Variants in ISOC1 observed in about 807,000 individuals in gnomAD.
The protein encoded by ISOC1 is isochorismatase domain containing 1.
Under a neutral mutation model 30.0 loss-of-function variants are expected in ISOC1, and 33 were observed. The observed-to-expected ratio is 1.10, with a 90% CI of 0.83 to 1.47. The LOEUF is 1.47. Among genes scored for constraint, ISOC1 ranks in the 40% most tolerant of loss-of-function variants. The pLI, the probability that ISOC1 is intolerant of heterozygous loss-of-function variation, is 0.00. For synonymous variants in ISOC1, 178 were observed against 159.8 expected (o/e 1.11, Z -0.86); for missense variants, 372 against 388.0 (o/e 0.96, Z 0.35).
chr5:129,098,858 A>G (rs1753538938), intron 1 of ISOC1, among the ~76,000 whole-genome samples: 1 of 152,282 alleles, frequency 6.6e-6, no homozygotes, highest in Non-Finnish European at 1.5e-5. Context: ...TTATAGCTAG[A>G]AGAGACTGAC....
chr5:129,101,574 C>T lies in ISOC1; in HGVS notation c.310-3382C>T, dbSNP rs1022086221. 8.5e-5 allele frequency among the ~76,000 whole-genome samples: 13 copies of T among 152,224 alleles called. 1 individual carries two copies. Among genetic ancestry groups the T allele is most frequent in the Admixed American group, 8.5e-4 (13 of 15,288 alleles). On this transcript the variant is annotated intron_variant, in intron 1 of 4. Transcript: ENST00000173527. The stretch of plus-strand genomic sequence containing the variant: ...GCAATCCTGGGCTTAAGTGATCCTC[C>T]CACCTTGGCCTCCGAAGTGCTGGGA...
At position 129,114,000 on chromosome 5, in the gene ISOC1, G is replaced by C. The variant is rs763116904; in HGVS notation, c.*999G>C. 3.3e-5 allele frequency: 5 copies of C among 152,096 alleles called. No individual in the cohort carries two copies. The highest frequency in any genetic ancestry group is 2.1e-4 in the South Asian group (1 of 4,830). 9.4% of individuals were successfully genotyped at this position (152,096 alleles called of 1,614,324 possible). A position where few individuals can be genotyped will look rare whatever the true frequency, so the allele number is the denominator to read the frequency against. On this transcript the variant is annotated 3_prime_UTR_variant, in exon 5 of 5. Coordinates refer to ENST00000173527, the MANE Select transcript of ISOC1 (RefSeq NM_016048.2). ...CAAATATGTGAAATGTGAAACTGCT[G>C]TCTTTTATATTAAAGTAATTAAAGA...
Position 129,104,444 on chromosome 5 carries a change from G to A in ISOC1, c.310-512G>A, listed in dbSNP as rs184384290. 5.9e-4 allele frequency among the ~76,000 whole-genome samples: 89 copies of A among 151,800 alleles called. 1 individual carries two copies. The highest frequency in any genetic ancestry group is 5.7e-3 in the Admixed American group (87 of 15,250). On this transcript the variant is annotated intron_variant, in intron 1 of 4. Coordinates refer to ENST00000173527, the MANE Select transcript of ISOC1 (RefSeq NM_016048.2). ...AAGAAATTTCTTTAAATAACATTCA[G>A]GAAATGTGTTTAAATAACACTTGGA...
At chr5:129,103,243 C>A (rs1329609329) in intron 1 of ISOC1, among the ~76,000 whole-genome samples, 5 of 152,068 alleles carry the variant, frequency 3.3e-5, no homozygotes, top group African/African-American at 4.8e-5. Context: ...AAAATAGTAT[C>A]CTAAATGCAC....
chr5:129,109,670 G>A (rs189770189), intron 4 of ISOC1, among the ~76,000 whole-genome samples: 52 of 152,286 alleles, frequency 3.4e-4, no homozygotes, highest in African/African-American at 1.2e-3. Context: ...GATTGATAGG[G>A]AACACCTGCC....
Position 129,113,069 on chromosome 5 carries a change from C to A in ISOC1, c.*68C>A. 7.1e-7 allele frequency: 1 copy of A among 1,414,974 alleles called. No homozygotes were observed. Among genetic ancestry groups the A allele is most frequent in the Non-Finnish European group, 9.6e-7 (1 of 1,041,070 alleles). The allele number at this position is 1,414,974 out of a possible 1,614,324, so 87.7% of individuals were successfully genotyped here. A position where few individuals can be genotyped will look rare whatever the true frequency, so the allele number is the denominator to read the frequency against. The stretch of plus-strand genomic sequence containing the variant: ...TCAGGTGAAGGACTGTAAGCCCACA[C>A]AAGCTCTTCTTATCTCTACTAGAAT... On this transcript the variant is annotated 3_prime_UTR_variant, in exon 5 of 5. Coordinates refer to ENST00000173527, the MANE Select transcript of ISOC1 (RefSeq NM_016048.2).
At chr5:129,103,953 T>A (rs984278237) in intron 1 of ISOC1, among the ~76,000 whole-genome samples, 2 of 152,152 alleles carry the variant, frequency 1.3e-5, no homozygotes, top group African/African-American at 4.8e-5. Context: ...CTTTTAAGAA[T>A]CCAGTGAGAG....
chr5:129,113,031 TG>T lies in ISOC1; in HGVS notation c.*32del, dbSNP rs1753731383. On this transcript the variant is annotated 3_prime_UTR_variant, in exon 5 of 5. Coordinates refer to ENST00000173527, the MANE Select transcript of ISOC1 (RefSeq NM_016048.2). Reference sequence around the variant, plus strand: ...TTTGAAGAACTGGTATGCTACTCACTGGTGAAGGACAGTCAGGTGAAGGACT... The same window carrying T: ...TTTGAAGAACTGGTATGCTACTCACTGTGAAGGACAGTCAGGTGAAGGACT... The T allele has an allele frequency of 5.6e-6, 9 of 1,593,832 alleles. No homozygotes were observed. The highest frequency in any genetic ancestry group is 7.7e-6 in the Non-Finnish European group (9 of 1,168,972).
intron 1 of ISOC1, among the ~76,000 whole-genome samples, chr5:129,099,692 T>A (rs1024755194): frequency 5.3e-5 from 8 of 152,220 alleles, no homozygotes; most frequent in Admixed American, 2.0e-4. Flanking sequence ...TCTAAAGGGA[T>A]CTTAATTGTA....
At chr5:129,106,851 G>C in intron 3 of ISOC1, 95 bp from the exon 4 acceptor site, 1 of 812,230 alleles carries the variant, frequency 1.2e-6, no homozygotes, top group South Asian at 1.5e-5. Flanking sequence ...TAGATGATCT[G>C]TAGTGCTCTG....
intron 1 of ISOC1, among the ~76,000 whole-genome samples, chr5:129,100,932 T>A (rs72783113): frequency 0.13 from 19,833 of 150,968 alleles, 1,495 homozygotes; most frequent in East Asian, 0.17. Flanking sequence ...AACTAACTTT[T>A]TATTTTAGAA....
In ISOC1 at chr5:129,105,032, C is replaced by T. The variant is rs368808840; in HGVS notation, c.386C>T (p.Ala129Val). The change falls in exon 2 of 5, where the codon GCC becomes GTC. Residue 129 changes from alanine to valine, a missense_variant. Ala to Val is a moderately conservative substitution (Grantham distance 64). Transcript: ENST00000173527. ...CCDMQERFRP[A>V]IKYFGDIISV... ...GATATGCAGGAAAGGTTCAGACCAG[C>T]CATCAAGTATTTTGGGGATATTATT... 1.9e-6 allele frequency: 3 copies of T among 1,613,722 alleles called. No homozygotes were observed. The highest frequency in any genetic ancestry group is 2.2e-5 in the South Asian group (2 of 91,076).
chr5:129,097,730 C>G (rs996012144), intron 1 of ISOC1: 1 of 151,040 alleles, frequency 6.6e-6, no homozygotes, highest in African/African-American at 2.4e-5. Flanking sequence ...TCCACAAATG[C>G]GTGTGGAGGA....
At chr5:129,109,685 T>G (rs1374978701) in intron 4 of ISOC1, among the ~76,000 whole-genome samples, 1 of 152,178 alleles carries the variant, frequency 6.6e-6, no homozygotes, top group Admixed American at 6.5e-5. Context: ...CCTGCCATAT[T>G]GCAGATTTTT....
In ISOC1 at chr5:129,102,310, G is replaced by A. The variant is rs1753582088; in HGVS notation, c.310-2646G>A. 2.0e-5 allele frequency among the ~76,000 whole-genome samples: 3 copies of A among 152,104 alleles called. No individual in the cohort carries two copies. In the South Asian group the frequency reaches 6.2e-4, roughly 32 times the overall value. On this transcript the variant is annotated intron_variant, in intron 1 of 4. Transcript: ENST00000173527. ...CATGCCTTGCCACTGTATTCTCTATGGTTTCTTTGTTTACTGAGTTTGTGG... is the reference window on the plus strand; with the variant it reads ...CATGCCTTGCCACTGTATTCTCTATAGTTTCTTTGTTTACTGAGTTTGTGG...
At chr5:129,098,173 A>T (rs1470088545) in intron 1 of ISOC1, among the ~76,000 whole-genome samples, 1 of 152,144 alleles carries the variant, frequency 6.6e-6, no homozygotes, top group Non-Finnish European at 1.5e-5. Context: ...TGTGAAACAC[A>T]GTGGCTGCCT....
rs977933561 is a variant in ISOC1 at position 129,106,834 on chromosome 5, A to C, written c.634-112A>C. ...TAGAAGCAAAACTAGATGTAGAACA[A>C]GGTCCTTAGATGATCTGTAGTGCTC... On this transcript the variant is annotated intron_variant, in intron 3 of 4. Transcript: ENST00000173527. 2.5e-5 allele frequency: 17 copies of C among 668,718 alleles called. No homozygotes were observed. In the Admixed American group the frequency reaches 3.1e-4, roughly 12 times the overall value. 41.4% of individuals were successfully genotyped at this position (668,718 alleles called of 1,614,324 possible).
Position 129,110,664 on chromosome 5 carries a change from C to T in ISOC1, c.751-2191C>T, listed in dbSNP as rs898472474. On this transcript the variant is annotated intron_variant, in intron 4 of 4. Coordinates refer to ENST00000173527, the MANE Select transcript of ISOC1 (RefSeq NM_016048.2). Reference sequence around the variant, plus strand: ...CTGCCCCTGCTATGGCCACCTGAGTCTCAGCATCACTGAGGCTTGTTAGGC... The same window carrying T: ...CTGCCCCTGCTATGGCCACCTGAGTTTCAGCATCACTGAGGCTTGTTAGGC... Among the ~76,000 whole-genome samples the T allele has an allele frequency of 7.9e-5, 12 of 152,298 alleles. No homozygotes were observed. The East Asian group carries it at 2.1e-3, about 27-fold the overall frequency.
chr5:129,107,102 T>C, intron 4 of ISOC1, 40 bp downstream of exon 4: 1 of 1,475,152 alleles, frequency 6.8e-7, no homozygotes, highest in Non-Finnish European at 9.5e-7. Context: ...TGTCAAGTTT[T>C]CCAAATAAAT....
Sources: allele counts gnomAD v4.1 joint callset (sites outside exome capture counted in the v4.1 genomes callset), GRCh38; gene constraint gnomAD v4.1.1; transcripts MANE v1.5; gene names NCBI Gene and HGNC (gene_info 2026-07-23, HGNC 2026-07-21).